IQCM: variants seen among roughly 807,000 people sequenced by gnomAD.
The protein encoded by IQCM is IQ motif containing M, also known as IQ domain-containing protein M.
A neutral mutation model predicts 57.6 loss-of-function variants in IQCM; 45 were observed. That is an observed-to-expected ratio of 0.78 (90% CI 0.62 to 1.00). The LOEUF (loss-of-function observed/expected upper bound fraction) is 1.00, where lower values mean the gene tolerates loss of function less well. Ranked by LOEUF, IQCM falls within the 50% of genes least tolerant of loss-of-function variation. The pLI, the probability that IQCM is intolerant of heterozygous loss-of-function variation, is 0.00. For synonymous variants in IQCM, 148 were observed against 158.9 expected (o/e 0.93, Z 0.51); for missense variants, 468 against 511.6 (o/e 0.91, Z 0.82).
At chr4:149,589,644 G>A (rs1301317351) in intron 8 of IQCM, among the ~76,000 whole-genome samples, 1 of 151,840 alleles carries the variant, frequency 6.6e-6, no homozygotes. Context: ...AACTAACATT[G>A]ACCTTTCTTC....
chr4:149,636,553 T>C (rs942202494), intron 7 of IQCM, among the ~76,000 whole-genome samples: 2 of 152,160 alleles, frequency 1.3e-5, no homozygotes, highest in African/African-American at 4.8e-5. Flanking sequence ...TAAATGCTGC[T>C]GAGAAGGACC....
At chr4:149,781,357 G>A (rs1398475307) in intron 2 of IQCM, among the ~76,000 whole-genome samples, 3 of 152,060 alleles carry the variant, frequency 2.0e-5, no homozygotes, top group Admixed American at 6.6e-5. Context: ...ATCTCATGCC[G>A]TCCCACTCCA....
intron 13 of IQCM, among the ~76,000 whole-genome samples, chr4:149,363,816 A>G (rs1014919729): frequency 6.6e-6 from 1 of 152,214 alleles, no homozygotes; most frequent in Non-Finnish European, 1.5e-5. Flanking sequence ...AATTGAAGTG[A>G]ATAAATTTCT....
At chr4:149,790,682 C>T (rs1448430656) in intron 2 of IQCM, among the ~76,000 whole-genome samples, 1 of 152,136 alleles carries the variant, frequency 6.6e-6, no homozygotes, top group Non-Finnish European at 1.5e-5. Flanking sequence ...TTGTGCAATA[C>T]AACCAAGCTG....
intron 13 of IQCM, among the ~76,000 whole-genome samples, chr4:149,387,553 G>GA (rs1463629160): frequency 6.6e-6 from 1 of 151,890 alleles, no homozygotes; most frequent in Non-Finnish European, 1.5e-5. Context: ...TTCTTTTCAA[G>GA]AAAAACTTTC....
chr4:149,692,721 C>G (rs1763031749), intron 5 of IQCM, among the ~76,000 whole-genome samples: 1 of 152,070 alleles, frequency 6.6e-6, no homozygotes, highest in African/African-American at 2.4e-5. Context: ...TAGATGGCAA[C>G]TGAGACTTAG....
chr4:149,613,790 A>G (rs1378818840), intron 8 of IQCM, among the ~76,000 whole-genome samples: 2 of 152,118 alleles, frequency 1.3e-5, no homozygotes, highest in East Asian at 1.9e-4. Flanking sequence ...TCATTGTTCA[A>G]TTCCCACCTA....
rs894138696 is a variant in IQCM at position 149,437,480 on chromosome 4, C to T, written c.1229-3923G>A. On this transcript the variant is annotated intron_variant, in intron 12 of 13. Coordinates refer to ENST00000636793, the MANE Select transcript of IQCM (RefSeq NM_001363507.2). ...ATCCCACAATATGAACTCTACACCA[C>T]CTCTAGTTTTCCCCTCTTCTCAGGT... 3.9e-5 allele frequency among the ~76,000 whole-genome samples: 6 copies of T among 152,134 alleles called. No individual in the cohort carries two copies. In the South Asian group the frequency reaches 1.2e-3, roughly 32 times the overall value.
At chr4:149,543,884 T>C (rs990319484) in intron 12 of IQCM, among the ~76,000 whole-genome samples, 1 of 152,216 alleles carries the variant, frequency 6.6e-6, no homozygotes. Flanking sequence ...CACAAAGTGA[T>C]GTAGATGCTT....
chr4:149,633,017 C>T (rs1031600628), intron 7 of IQCM, among the ~76,000 whole-genome samples: 21 of 148,934 alleles, frequency 1.4e-4, no homozygotes, highest in African/African-American at 5.3e-4. Context: ...AAAAATTAGC[C>T]GGGCGCGGTG....
intron 9 of IQCM, among the ~76,000 whole-genome samples, chr4:149,576,767 G>C (rs1238751841): frequency 2.0e-5 from 3 of 151,894 alleles, no homozygotes; most frequent in African/African-American, 7.2e-5. Flanking sequence ...ACCCAGTAAT[G>C]GGATTGCTAC....
chr4:149,362,766 T>A (rs6535679), intron 13 of IQCM, among the ~76,000 whole-genome samples: 42,967 of 152,128 alleles, frequency 0.28, 6,217 homozygotes, highest in Middle Eastern at 0.33. Context: ...AAGCTTGAAC[T>A]TACGTTTTGT....
In IQCM at chr4:149,584,803, A is replaced by G. The variant is rs142493683; in HGVS notation, c.749+3127T>C. ...CTTTTTAGCTTTGTGATCATTGAAG[A>G]TTAGGAGAGAAATAACCAGGACTCT... is the stretch of plus-strand genomic sequence containing the variant. On this transcript the variant is annotated intron_variant, in intron 9 of 13. Transcript: ENST00000636793. Among the ~76,000 whole-genome samples the G allele has an allele frequency of 6.6e-5, 10 of 151,906 alleles. No individual in the cohort carries two copies. The East Asian group carries it at 1.9e-3, about 30-fold the overall frequency.
At chr4:149,524,510 T>C (rs17586348) in intron 12 of IQCM, among the ~76,000 whole-genome samples, 10,738 of 151,826 alleles carry the variant, frequency 0.071, 516 homozygotes, top group Middle Eastern at 0.15. Flanking sequence ...AAATGAATAC[T>C]TCACACCAAA....
intron 12 of IQCM, among the ~76,000 whole-genome samples, chr4:149,463,242 G>C (rs981900829): frequency 1.3e-5 from 2 of 152,168 alleles, no homozygotes; most frequent in Admixed American, 1.3e-4. Context: ...ACTTTAAAAT[G>C]AACTGCCATA....
At chr4:149,433,681 C>CT (rs977788999) in intron 12 of IQCM, 124 bp from the exon 13 acceptor site, 232 of 392,026 alleles carry the variant, frequency 5.9e-4, no homozygotes, top group Middle Eastern at 1.3e-3. Context: ...GAAAACATGT[C>CT]TTTTTTTTTA....
chr4:149,622,118 G>A (rs1314901992), intron 7 of IQCM, among the ~76,000 whole-genome samples: 2 of 152,038 alleles, frequency 1.3e-5, no homozygotes, highest in South Asian at 2.1e-4. Context: ...ATCATAATTT[G>A]AGTGGTCTAT....
intron 12 of IQCM, among the ~76,000 whole-genome samples, chr4:149,497,906 G>A (rs1239515827): frequency 6.6e-6 from 1 of 152,074 alleles, no homozygotes; most frequent in Non-Finnish European, 1.5e-5. Flanking sequence ...GTGATGTTGA[G>A]TGGTTTTTGT....
chr4:149,372,696 A>AT (rs927093455), intron 13 of IQCM, among the ~76,000 whole-genome samples: 30 of 151,298 alleles, frequency 2.0e-4, no homozygotes, highest in African/African-American at 5.6e-4. Context: ...TTATGGCTTT[A>AT]TTTTTTTTTC....
Sources: gnomAD v4.1 joint callset for allele counts (sites outside exome capture counted in the v4.1 genomes callset) on GRCh38, gnomAD v4.1.1 for gene constraint, MANE v1.5 for transcripts, NCBI Gene and HGNC (gene_info 2026-07-23, HGNC 2026-07-21) for gene names.